The following IL18 variants were observed in gnomAD, a reference collection of about 807,000 sequenced individuals.
IL18 encodes the protein interleukin-18.
IL18 carries 8 observed loss-of-function variants against 14.2 expected under a neutral mutation model. The observed-to-expected ratio is 0.56, with a 90% confidence interval of 0.33 to 1.01. The LOEUF is 1.01. Among genes scored for constraint, IL18 ranks in the 50% least tolerant of loss-of-function variants. The pLI is 0.03. For missense variants in IL18, 166 were observed against 231.1 expected (o/e 0.72, Z 1.83); for synonymous variants, 67 against 71.0 (o/e 0.94, Z 0.28).
chr11:112,149,185 G>A lies in IL18; in HGVS notation c.227-449C>T, dbSNP rs148954993. 6.2e-3 allele frequency among the ~76,000 whole-genome samples: 943 copies of A among 152,038 alleles called. 15 individuals are homozygous for A. Among genetic ancestry groups the A allele is most frequent in the African/African-American group, 0.022 (903 of 41,444 alleles). ...TGCATGCCTGTAATCCCACCTACTC[G>A]GGAGACTGAGGCATGAGAATCGCTT... On this transcript the variant is annotated intron_variant, in intron 4 of 5. Transcript: ENST00000280357.
chr11:112,145,287 C>A (rs771396635), intron 5 of IL18, among the ~76,000 whole-genome samples: 1 of 152,174 alleles, frequency 6.6e-6, no homozygotes, highest in African/African-American at 2.4e-5. Context: ...TTGGCACCCA[C>A]TTCTGCAGCT....
rs1038498173 is a variant in IL18 at position 112,146,753 on chromosome 11, C to A, written c.360+1850G>T. ...AGTCCACCCCTCACTCTCTCCCCCC[C>A]TCCAACTAATATTTATTGAGTTCCT... On this transcript the variant is annotated intron_variant, in intron 5 of 5. Transcript: ENST00000280357. Among the ~76,000 whole-genome samples the A allele has an allele frequency of 4.6e-5, 7 of 151,922 alleles. No homozygotes were observed. In the East Asian group the frequency reaches 7.8e-4, roughly 17 times the overall value.
intron 3 of IL18, chr11:112,150,935 G>A (rs1866427287): frequency 6.6e-6 from 1 of 152,140 alleles, no homozygotes; most frequent in Admixed American, 6.5e-5. Flanking sequence ...TTGTCCCAAG[G>A]GGAAATGAGA....
In IL18 at chr11:112,143,923, T is replaced by G; in HGVS notation, c.361-106A>C. ...CAAACAGAACAAAAGTAGTTTTGCT[T>G]CTCAAGAGTTACATAAAAAAAATCT... On this transcript the variant is annotated intron_variant, in intron 5 of 5. Transcript: ENST00000280357. The G allele has an allele frequency of 1.4e-5, 10 of 715,612 alleles. No homozygotes were observed. In the South Asian group the frequency reaches 1.9e-4, roughly 14 times the overall value. 44.3% of individuals were successfully genotyped at this position (715,612 alleles called of 1,614,324 possible). A position where few individuals can be genotyped will look rare whatever the true frequency, so the allele number is the denominator to read the frequency against.
At chr11:112,152,103 G>A (rs901931530) in intron 3 of IL18, among the ~76,000 whole-genome samples, 1 of 152,166 alleles carries the variant, frequency 6.6e-6, no homozygotes, top group African/African-American at 2.4e-5. Context: ...CCACTAGGAC[G>A]TTCCACAGAC....
At chr11:112,149,148 G>A (rs572421168) in intron 4 of IL18, among the ~76,000 whole-genome samples, 17 of 152,054 alleles carry the variant, frequency 1.1e-4, no homozygotes, top group Non-Finnish European at 2.2e-4. Context: ...AAAATTAGCC[G>A]GGTGTAAGTG....
Position 112,148,723 on chromosome 11 carries a change from C to A in IL18, c.240G>T (p.Arg80=). The A allele has an allele frequency of 6.9e-7, 1 of 1,455,210 alleles. No individual in the cohort carries two copies. Among genetic ancestry groups the A allele is most frequent in the Non-Finnish European group, 9.2e-7 (1 of 1,092,662 alleles). The allele number at this position is 1,455,210 out of a possible 1,614,324, so 90.1% of individuals were successfully genotyped here. ...TDSDCRDNAP[R]TIFIISMYKD... ...TATACATACTTATAATAAATATGGT[C>A]CGGGGTGCATTATCTGAAATAAATA... Residue 80 remains arginine, a synonymous_variant, in exon 5 of 6, where the codon CGG becomes CGT. Transcript: ENST00000280357.
At chr11:112,148,316 T>C (rs951979159) in intron 5 of IL18, among the ~76,000 whole-genome samples, 1 of 152,212 alleles carries the variant, frequency 6.6e-6, no homozygotes, top group Admixed American at 6.5e-5. Flanking sequence ...AAAGACTGAT[T>C]GTTCAGGAGA....
chr11:112,153,535 A>G, intron 3 of IL18, 57 bp downstream of exon 3: 1 of 1,225,440 alleles, frequency 8.2e-7, no homozygotes, highest in Non-Finnish European at 1.1e-6. Context: ...GGTGAGATAG[A>G]TGTGTCTCAA....
Position 112,148,719 on chromosome 11 carries a change from T to G in IL18, c.244A>C (p.Ile82Leu). 6.9e-7 allele frequency: 1 copy of G among 1,456,158 alleles called. No homozygotes were observed. The highest frequency in any genetic ancestry group is 9.2e-7 in the Non-Finnish European group (1 of 1,092,122). 90.2% of individuals were successfully genotyped at this position (1,456,158 alleles called of 1,614,324 possible). A position where few individuals can be genotyped will look rare whatever the true frequency, so the allele number is the denominator to read the frequency against. Residue 82 changes from isoleucine (I) to leucine (L), a missense_variant, in exon 5 of 6, where the codon ATA becomes CTA. Ile to Leu is a conservative substitution (Grantham distance 5, BLOSUM62 2). Transcript: ENST00000280357. ...TCTTTATACATACTTATAATAAATATGGTCCGGGGTGCATTATCTGAAATA... is the reference window on the plus strand; with the variant it reads ...TCTTTATACATACTTATAATAAATAGGGTCCGGGGTGCATTATCTGAAATA... Reference protein sequence around the residue: ...SDCRDNAPRTIFIISMYKDSQ... With the variant: ...SDCRDNAPRTLFIISMYKDSQ...
intron 1 of IL18, among the ~76,000 whole-genome samples, chr11:112,160,605 G>A (rs1181593269): frequency 2.6e-5 from 4 of 152,084 alleles, no homozygotes. Context: ...CACACAGTAA[G>A]AACTCAATAA....
rs533058641 is a variant in IL18 at position 112,148,189 on chromosome 11, G to T, written c.360+414C>A. On this transcript the variant is annotated intron_variant, in intron 5 of 5. Coordinates refer to ENST00000280357, the MANE Select transcript of IL18 (RefSeq NM_001562.4). ...TAAAATATTATCATAATTTACAAAG[G>T]TGTAGAAATATAGAAGGATAATTAG... 3.0e-4 allele frequency among the ~76,000 whole-genome samples: 45 copies of T among 152,260 alleles called. 1 individual carries two copies. Among genetic ancestry groups the T allele is most frequent in the African/African-American group, 1.1e-3 (45 of 41,548 alleles).
chr11:112,154,544 A>G (rs1270864164), intron 2 of IL18, among the ~76,000 whole-genome samples: 1 of 152,174 alleles, frequency 6.6e-6, no homozygotes, highest in East Asian at 1.9e-4. Context: ...TTACTTGTCA[A>G]ACATATTTAC....
intron 1 of IL18, among the ~76,000 whole-genome samples, chr11:112,156,237 A>T (rs1263658991): frequency 6.6e-6 from 1 of 152,186 alleles, no homozygotes; most frequent in African/African-American, 2.4e-5. Context: ...AAAAAAAATT[A>T]ATCTGAATTA....
intron 5 of IL18, among the ~76,000 whole-genome samples, chr11:112,145,634 G>A (rs1167731240): frequency 1.3e-5 from 2 of 152,150 alleles, no homozygotes; most frequent in Admixed American, 6.5e-5. Context: ...AGCTGCTTGG[G>A]AGGGTGAGGC....
chr11:112,146,753 C>T (rs1038498173), intron 5 of IL18, among the ~76,000 whole-genome samples: 1 of 151,806 alleles, frequency 6.6e-6, no homozygotes, highest in Non-Finnish European at 1.5e-5. Flanking sequence ...CTCTCCCCCC[C>T]TCCAACTAAT....
intron 4 of IL18, 149 bp downstream of exon 4, chr11:112,149,923 T>A (rs1050093880): frequency 1.4e-6 from 1 of 709,204 alleles, no homozygotes; most frequent in African/African-American, 1.8e-5. Context: ...AAAACGTGGA[T>A]GCCTTATAAA....
chr11:112,152,966 T>A (rs1370286847), intron 3 of IL18: 1 of 152,222 alleles, frequency 6.6e-6, no homozygotes, highest in Non-Finnish European at 1.5e-5. Flanking sequence ...AAATTTCACA[T>A]CTTGGGGTGA....
rs989666270 is a variant in IL18, at chr11:112,155,203, T to G, written c.-8-142A>C. The G allele has an allele frequency of 8.9e-5, 48 of 537,350 alleles. No homozygotes were observed. The East Asian group carries it at 1.3e-3, about 15-fold the overall frequency. The allele number at this position is 537,350 out of a possible 1,614,324, so 33.3% of individuals were successfully genotyped here. The stretch of plus-strand genomic sequence containing the variant: ...TGACATTCAATAAATGCCAGAAGTT[T>G]CAGCTTATGAATACCCATGTTTAAG... On this transcript the variant is annotated intron_variant, in intron 1 of 5. Coordinates refer to ENST00000280357, the MANE Select transcript of IL18 (RefSeq NM_001562.4).
Sources: gnomAD v4.1 joint callset for allele counts (sites outside exome capture counted in the v4.1 genomes callset) on GRCh38, gnomAD v4.1.1 for gene constraint, MANE v1.5 for transcripts, NCBI Gene and HGNC (gene_info 2026-07-23, HGNC 2026-07-21) for gene names.